PRR5: variants seen among roughly 807,000 people sequenced by gnomAD.
PRR5 encodes the protein proline-rich protein 5.
Under a neutral mutation model 30.6 loss-of-function variants are expected in PRR5, and 25 were observed. The observed-to-expected ratio is 0.82, with a 90% confidence interval of 0.60 to 1.14. The LOEUF (loss-of-function observed/expected upper bound fraction) is 1.14, where lower values mean the gene tolerates loss of function less well. Among genes scored for constraint, PRR5 ranks in the 50% most tolerant of loss-of-function variants. PRR5 has a pLI of 0.00. For missense variants in PRR5, 600 were observed against 547.1 expected (o/e 1.10, Z -0.96); for synonymous variants, 286 against 247.1 (o/e 1.16, Z -1.48).
chr22:44,718,153 T>G (rs1448462869), intron 2 of PRR5, among the ~76,000 whole-genome samples: 1 of 151,310 alleles, frequency 6.6e-6, no homozygotes, highest in African/African-American at 2.4e-5. Context: ...TGTGAACATC[T>G]GTGTGCAAGA....
intron 1 of PRR5, among the ~76,000 whole-genome samples, chr22:44,680,731 C>CG (rs1421847502): frequency 6.7e-6 from 1 of 150,180 alleles, no homozygotes; most frequent in East Asian, 2.1e-4. Context: ...CTGAGACCCC[C>CG]CCACACACAC....
chr22:44,694,159 G>A (rs556846332), intron 1 of PRR5, among the ~76,000 whole-genome samples: 2 of 152,334 alleles, frequency 1.3e-5, no homozygotes, highest in East Asian at 1.9e-4. Flanking sequence ...GTCAGAACAG[G>A]AAGCTTCGAG....
At position 44,669,041 on chromosome 22, in the gene PRR5, G is replaced by A. The variant is rs551909269; in HGVS notation, c.-11+236G>A. On this transcript the variant is annotated intron_variant, in intron 1 of 8. Coordinates refer to the PRR5 transcript ENST00000432186. ...GGCAGGGGCGGCCCCCTTGGGTGAA[G>A]GTCCAGCCTCTCCCACCCCAGCCTC... 5.9e-5 allele frequency among the ~76,000 whole-genome samples: 9 copies of A among 151,574 alleles called. No individual in the cohort carries two copies. The South Asian group carries it at 1.9e-3, about 31-fold the overall frequency.
At chr22:44,725,129 G>T in intron 2 of PRR5, 115 bp from the exon 3 acceptor site, 3 of 1,488,340 alleles carry the variant, frequency 2.0e-6, no homozygotes, top group Non-Finnish European at 1.8e-6. Flanking sequence ...ATGTTTTTGG[G>T]CTGGCTGAGC....
chr22:44,670,985 C>T (rs578255250), intron 1 of PRR5, among the ~76,000 whole-genome samples: 3 of 152,206 alleles, frequency 2.0e-5, no homozygotes, highest in Non-Finnish European at 4.4e-5. Flanking sequence ...GTCATTCATT[C>T]ATTCATTCAT....
At chr22:44,669,925 C>CA (rs1323532619) in intron 1 of PRR5, among the ~76,000 whole-genome samples, 1 of 152,190 alleles carries the variant, frequency 6.6e-6, no homozygotes, top group African/African-American at 2.4e-5. Flanking sequence ...CCTCCAGAAT[C>CA]CTGGGGGTAA....
At chr22:44,732,739 C>T (rs559561572) in intron 6 of PRR5, among the ~76,000 whole-genome samples, 1,344 of 131,342 alleles carry the variant, frequency 0.01, 26 homozygotes, top group African/African-American at 0.038. Flanking sequence ...GCATACACAC[C>T]ACACACGTGT....
chr22:44,677,106 G>A (rs1923829239), exon 1 of PRR5: 1 of 152,388 alleles, frequency 6.6e-6, no homozygotes, highest in Non-Finnish European at 1.5e-5. Flanking sequence ...TGCTGAGCAG[G>A]GTTTCAGAGC....
chr22:44,726,513 T>G, intron 3 of PRR5, 64 bp from the exon 4 acceptor site: 1 of 1,611,074 alleles, frequency 6.2e-7, no homozygotes, highest in South Asian at 1.1e-5. Flanking sequence ...TCGGGGGCCC[T>G]GCTGGCCAGG....
chr22:44,679,354 T>G (rs1924054021), intron 1 of PRR5: 1 of 152,810 alleles, frequency 6.5e-6, no homozygotes, highest in Non-Finnish European at 1.5e-5. Flanking sequence ...TAGAGTCCCT[T>G]CAGTGACTTC....
chr22:44,701,033 C>T (rs895963648), upstream of PRR5, among the ~76,000 whole-genome samples: 1 of 150,576 alleles, frequency 6.6e-6, no homozygotes. Context: ...CGGGCATGCA[C>T]CACCACGCCC....
chr22:44,725,223 T>G, intron 2 of PRR5, 21 bp from the exon 3 acceptor site: 1 of 1,613,532 alleles, frequency 6.2e-7, no homozygotes, highest in African/African-American at 1.3e-5. Flanking sequence ...GACTCACTCT[T>G]GTCTCACCTC....
intron 4 of PRR5, chr22:44,730,877 G>T: frequency 2.2e-6 from 1 of 448,586 alleles, no homozygotes. Context: ...GCTTGGTGGG[G>T]GGTCGATCAC....
chr22:44,688,885 G>A (rs1924992683), intron 1 of PRR5, among the ~76,000 whole-genome samples: 1 of 152,232 alleles, frequency 6.6e-6, no homozygotes, highest in South Asian at 2.1e-4. Context: ...CTACTCGGGA[G>A]GCTGAAGCAG....
At chr22:44,684,491 G>A (rs1172969859) in intron 1 of PRR5, among the ~76,000 whole-genome samples, 1 of 152,212 alleles carries the variant, frequency 6.6e-6, no homozygotes, top group African/African-American at 2.4e-5. Flanking sequence ...AGGTTGCAGT[G>A]AGCCGAGATC....
Position 44,732,243 on chromosome 22 carries a change from G to T in PRR5, c.415-8G>T, listed in dbSNP as rs776241882. On this transcript the variant is annotated splice_polypyrimidine_tract_variant and splice_region_variant and intron_variant, in intron 5 of 7. Coordinates refer to ENST00000336985, the MANE Select transcript of PRR5 (RefSeq NM_181333.4). Reference sequence around the variant, plus strand: ...CAGCCGGTGGGGTGGGGTGCCTTCCGTCCACAGGGCAAGGAGCCATCGGTG... The same window carrying T: ...CAGCCGGTGGGGTGGGGTGCCTTCCTTCCACAGGGCAAGGAGCCATCGGTG... 6.2e-7 allele frequency: 1 copy of T among 1,610,522 alleles called. No homozygotes were observed. Among genetic ancestry groups the T allele is most frequent in the Non-Finnish European group, 8.5e-7 (1 of 1,179,430 alleles).
Position 44,735,110 on chromosome 22 carries a change from C to T in PRR5, c.639C>T (p.Gly213=). 6.2e-7 allele frequency: 1 copy of T among 1,612,828 alleles called. No individual in the cohort carries two copies. Among genetic ancestry groups the T allele is most frequent in the Non-Finnish European group, 8.5e-7 (1 of 1,179,594 alleles). ...AGAAGGTGGTGTCGCCATACCTGGGCACCTACGGCCTCCACTCCAGCGAGG... is the reference window on the plus strand; with the variant it reads ...AGAAGGTGGTGTCGCCATACCTGGGTACCTACGGCCTCCACTCCAGCGAGG... ...LVQKVVSPYL[G]TYGLHSSEGP... Residue 213 remains glycine (G), a synonymous_variant, in exon 7 of 8, where the codon GGC becomes GGT. Coordinates refer to ENST00000336985, the MANE Select transcript of PRR5 (RefSeq NM_181333.4).
chr22:44,725,303 C>T lies in PRR5; in HGVS notation c.264+11C>T, dbSNP rs371763329. ...ACGGAGTACCTGCAGGTAGGTGGGT[C>T]TTGCTCCAGCCAGGCTGGGCCTGCC... On this transcript the variant is annotated intron_variant, in intron 3 of 7. Transcript: ENST00000336985. 11 of 1,612,714 alleles carry T rather than the reference C, an allele frequency of 6.8e-6. No homozygotes were observed. The highest frequency in any genetic ancestry group is 7.6e-6 in the Non-Finnish European group (9 of 1,179,936).
In PRR5 at chr22:44,737,507, C is replaced by G. The variant is rs1424769153; in HGVS notation, c.*260C>G. ...CAGAGACGGGGGTCGGCCGCTCGCT[C>G]CCACGCTCCTCCTGCCCCAGCCCTC... On this transcript the variant is annotated 3_prime_UTR_variant, in exon 8 of 8. Transcript: ENST00000336985. 2 of 579,046 alleles carry G rather than the reference C, an allele frequency of 3.5e-6. No individual in the cohort carries two copies. Among genetic ancestry groups the G allele is most frequent in the Non-Finnish European group, 5.6e-6 (2 of 357,328 alleles). 35.9% of individuals were successfully genotyped at this position (579,046 alleles called of 1,614,324 possible).
Sources: gnomAD v4.1 joint callset for allele counts (sites outside exome capture counted in the v4.1 genomes callset) on GRCh38, gnomAD v4.1.1 for gene constraint, MANE v1.5 for transcripts, NCBI Gene and HGNC (gene_info 2026-07-23, HGNC 2026-07-21) for gene names.